The following PTPRH variants were observed in gnomAD, a reference collection of about 807,000 sequenced individuals.
PTPRH encodes receptor-type tyrosine-protein phosphatase H.
A neutral mutation model predicts 130.2 loss-of-function variants in PTPRH; 113 were observed. That is an observed-to-expected ratio of 0.87 (90% CI 0.75 to 1.01). The LOEUF (loss-of-function observed/expected upper bound fraction) is 1.01, where lower values mean the gene tolerates loss of function less well. PTPRH is among the 50% of genes least tolerant of loss of function. The probability of loss-of-function intolerance (pLI) is 0.00; values close to 1 mark genes in which losing one functional copy is unlikely to be tolerated. For missense variants in PTPRH, 1,430 were observed against 1,425.0 expected (o/e 1.00, Z -0.06); for synonymous variants, 556 against 577.9 (o/e 0.96, Z 0.54).
chr19:55,201,026 T>G (rs1025199194), intron 6 of PTPRH, among the ~76,000 whole-genome samples: 1 of 152,072 alleles, frequency 6.6e-6, no homozygotes, highest in Non-Finnish European at 1.5e-5. Flanking sequence ...CTTGCAAGAT[T>G]AGGTCATAAA....
chr19:55,187,661 G>T, intron 13 of PTPRH, 58 bp from the exon 14 acceptor site: 1 of 1,351,266 alleles, frequency 7.4e-7, no homozygotes, highest in Non-Finnish European at 1.1e-6. Flanking sequence ...TTCCCTCGGG[G>T]GTACCCCCGA....
intron 12 of PTPRH, among the ~76,000 whole-genome samples, chr19:55,189,509 G>A (rs7247378): frequency 0.069 from 10,439 of 152,144 alleles, 870 homozygotes; most frequent in East Asian, 0.25. Flanking sequence ...AGTCGGAGAC[G>A]CACGATGTTC....
Position 55,203,614 on chromosome 19 carries a change from T to C in PTPRH, c.886+168A>G, listed in dbSNP as rs574971656. 2.0e-5 allele frequency among the ~76,000 whole-genome samples: 3 copies of C among 151,972 alleles called. No individual in the cohort carries two copies. In the South Asian group the frequency reaches 6.2e-4, roughly 32 times the overall value. ...TTTTTGTAGAGACAGGCTGACCAGT[T>C]TCTTTGTACTTATTTTTATGTGGCT... On this transcript the variant is annotated intron_variant, in intron 5 of 19. Coordinates refer to ENST00000376350, the MANE Select transcript of PTPRH (RefSeq NM_002842.5).
chr19:55,194,209 T>C, intron 10 of PTPRH: 2 of 1,289,718 alleles, frequency 1.6e-6, no homozygotes, highest in South Asian at 2.5e-5. Context: ...CCAAGATCTG[T>C]CATTAGATGT....
intron 18 of PTPRH, 100 bp from the exon 19 acceptor site, chr19:55,182,251 T>C (rs749125184): frequency 3.1e-5 from 42 of 1,365,348 alleles, no homozygotes; most frequent in Middle Eastern, 4.5e-4. Flanking sequence ...TGACAATAAC[T>C]ATGCCTGCTC....
In PTPRH at chr19:55,183,197, C is replaced by T. The variant is rs550658509; in HGVS notation, c.3063-1046G>A. Reference sequence around the variant, plus strand: ...GATCACGAGGTCAGGAGATTGAGACCATCCTGGCCAATATGGTGAAACCCC... The same window carrying T: ...GATCACGAGGTCAGGAGATTGAGACTATCCTGGCCAATATGGTGAAACCCC... On this transcript the variant is annotated intron_variant, in intron 18 of 19. Transcript: ENST00000376350. 8.5e-5 allele frequency among the ~76,000 whole-genome samples: 12 copies of T among 140,904 alleles called. No homozygotes were observed. The East Asian group carries it at 2.6e-3, about 31-fold the overall frequency. 92.4% of individuals were successfully genotyped at this position (140,904 alleles called of 152,430 possible). A position where few individuals can be genotyped will look rare whatever the true frequency, so the allele number is the denominator to read the frequency against.
chr19:55,209,410 GA>G lies in PTPRH; in HGVS notation c.23del (p.Leu8ProfsTer29). ...GCAGCACCAGGTTCCCCCAGACCCCGAGGCCCCCGCCAGCCCCAGCCATGCC... is the reference window on the plus strand; with the variant it reads ...GCAGCACCAGGTTCCCCCAGACCCCGGGCCCCCGCCAGCCCCAGCCATGCC... MAGAGGG[L>X]GVWGNLVLLG... On this transcript the variant is annotated frameshift_variant, in exon 1 of 20. Transcript: ENST00000376350. LOFTEE classifies it high-confidence loss of function. The surrounding 1 kb of genome is among the most constrained non-coding windows in gnomAD (Gnocchi z 4.1). The G allele has an allele frequency of 6.4e-7, 1 of 1,559,610 alleles. No individual in the cohort carries two copies. The highest frequency in any genetic ancestry group is 1.2e-5 in the South Asian group (1 of 84,772).
At chr19:55,189,679 T>C (rs1482398557) in intron 12 of PTPRH, 3 of 455,982 alleles carry the variant, frequency 6.6e-6, no homozygotes, top group Non-Finnish European at 1.3e-5. Context: ...TTTCCTTGAA[T>C]ATCCTGCCGA....
intron 7 of PTPRH, 37 bp from the exon 8 acceptor site, chr19:55,198,949 C>G: frequency 6.7e-7 from 1 of 1,488,972 alleles, no homozygotes; most frequent in Non-Finnish European, 9.0e-7. Context: ...TCCACATCCC[C>G]TAGTCCTCAA....
intron 13 of PTPRH, 68 bp downstream of exon 13, chr19:55,188,010 G>A (rs982465318): frequency 1.6e-5 from 16 of 1,004,938 alleles, no homozygotes; most frequent in Middle Eastern, 2.5e-4. Flanking sequence ...GGTCTGGCCA[G>A]GGGGTGGGGG....
At chr19:55,195,185 C>T (rs985192881) in intron 10 of PTPRH, among the ~76,000 whole-genome samples, 6 of 151,994 alleles carry the variant, frequency 3.9e-5, no homozygotes, top group African/African-American at 1.4e-4. Flanking sequence ...GTTAGCTGGG[C>T]GTGGTAGGAG....
chr19:55,207,428 C>A lies in PTPRH; in HGVS notation c.52-229G>T, dbSNP rs532092368. 2.0e-4 allele frequency among the ~76,000 whole-genome samples: 30 copies of A among 152,292 alleles called. 1 individual carries two copies. In the East Asian group the frequency reaches 5.8e-3, roughly 29 times the overall value. Reference sequence around the variant, plus strand: ...CTTAGGGAGCTGGGGTTGGCTCCACCCGATAAGGCTGAGAGATAAAATTAA... The same window carrying A: ...CTTAGGGAGCTGGGGTTGGCTCCACACGATAAGGCTGAGAGATAAAATTAA... On this transcript the variant is annotated intron_variant, in intron 1 of 19. Coordinates refer to ENST00000376350, the MANE Select transcript of PTPRH (RefSeq NM_002842.5).
At chr19:55,187,491 G>T in intron 14 of PTPRH, 22 bp downstream of exon 14, 1 of 1,594,836 alleles carries the variant, frequency 6.3e-7, no homozygotes, top group Non-Finnish European at 8.6e-7. Flanking sequence ...TGGGACAAAA[G>T]CAGCAGGAAC....
At chr19:55,193,046 T>A (rs911859237) in intron 10 of PTPRH, among the ~76,000 whole-genome samples, 1 of 148,264 alleles carries the variant, frequency 6.7e-6, no homozygotes, top group Non-Finnish European at 1.5e-5. Flanking sequence ...CTGGGCAACA[T>A]AACAAAACCC....
In PTPRH at chr19:55,191,472, C is replaced by T. The variant is rs201657750; in HGVS notation, c.2384+29G>A. On this transcript the variant is annotated intron_variant, in intron 12 of 19. Coordinates refer to ENST00000376350, the MANE Select transcript of PTPRH (RefSeq NM_002842.5). ...ACCCCTTGATTTGACCAGATTCTTT[C>T]CAATGCACCCCCCAGACCTTCTGCT... is the stretch of plus-strand genomic sequence containing the variant. The T allele has an allele frequency of 2.5e-5, 40 of 1,613,074 alleles. No homozygotes were observed. In the African/African-American group the frequency reaches 4.8e-4, roughly 19 times the overall value.
intron 3 of PTPRH, among the ~76,000 whole-genome samples, chr19:55,205,801 G>A (rs912733706): frequency 2.6e-5 from 4 of 152,186 alleles, no homozygotes; most frequent in Admixed American, 1.3e-4. Context: ...GATCCACACC[G>A]GCTTTCGAAG....
chr19:55,197,366 C>T lies in PTPRH; in HGVS notation c.1741G>A (p.Val581Ile), dbSNP rs1304192011. 2.5e-5 allele frequency: 41 copies of T among 1,614,040 alleles called. No homozygotes were observed. The highest frequency in any genetic ancestry group is 3.4e-5 in the Non-Finnish European group (40 of 1,179,986). The stretch of plus-strand genomic sequence containing the variant: ...CCAGGGGCCTTCCACCACAGCATGA[C>T]TGAGTTCTTAGTCTGAGTTTCATTC... ...LQNETQTKNS[V>I]MLWWKAPGDP... The change falls in exon 9 of 20, where the codon GTC becomes ATC. Residue 581 changes from valine (V) to isoleucine (I), a missense_variant. Val to Ile is a conservative substitution (Grantham distance 29, BLOSUM62 3). Coordinates refer to ENST00000376350, the MANE Select transcript of PTPRH (RefSeq NM_002842.5).
Position 55,198,882 on chromosome 19 carries a change from T to C in PTPRH, c.1451A>G (p.Gln484Arg). Residue 484 changes from glutamine (Q) to arginine (R), a missense_variant, in exon 8 of 20, where the codon CAG becomes CGG. By Grantham distance (43) the Gln-to-Arg change is conservative. Coordinates refer to ENST00000376350, the MANE Select transcript of PTPRH (RefSeq NM_002842.5). ...AGCAATGGTGCTGTTGGTCCAGTCC[T>C]GCTTGCTGAGGCTTGTCACTGCGTT... is the stretch of plus-strand genomic sequence containing the variant. ...VPNAVTSLSKQDWTNSTIALR... is the reference protein window; with the variant it reads ...VPNAVTSLSKRDWTNSTIALR... The C allele has an allele frequency of 1.3e-6, 2 of 1,530,644 alleles. No homozygotes were observed. Among genetic ancestry groups the C allele is most frequent in the Non-Finnish European group, 1.8e-6 (2 of 1,136,254 alleles). 94.8% of individuals were successfully genotyped at this position (1,530,644 alleles called of 1,614,324 possible). A position where few individuals can be genotyped will look rare whatever the true frequency, so the allele number is the denominator to read the frequency against.
chr19:55,185,309 C>T (rs753424366), intron 18 of PTPRH, among the ~76,000 whole-genome samples, 193 bp downstream of exon 18: 7 of 152,038 alleles, frequency 4.6e-5, no homozygotes, highest in Admixed American at 3.3e-4. Context: ...TTTCATCTTT[C>T]GTTCCCATCT....
Sources: allele counts gnomAD v4.1 joint callset (sites outside exome capture counted in the v4.1 genomes callset), GRCh38; gene constraint gnomAD v4.1.1; non-coding constraint Gnocchi (gnomAD v3.1); transcripts MANE v1.5; gene names NCBI Gene and HGNC (gene_info 2026-07-23, HGNC 2026-07-21).